Variants in NRG4 observed in about 807,000 individuals in gnomAD.
The protein encoded by NRG4 is neuregulin 4, also known as pro-neuregulin-4, membrane-bound isoform.
In NRG4, 10 loss-of-function variants were observed where a neutral mutation model predicts 15.0. The observed-to-expected ratio is 0.67, with a 90% confidence interval of 0.41 to 1.13. The LOEUF (loss-of-function observed/expected upper bound fraction) is 1.13. NRG4 is among the 50% of genes most tolerant of loss of function. NRG4 has a pLI of 0.00. For missense variants in NRG4, 139 were observed against 140.2 expected (o/e 0.99, Z 0.04); for synonymous variants, 41 against 50.1 (o/e 0.82, Z 0.77).
intron 3 of NRG4, among the ~76,000 whole-genome samples, chr15:75,982,900 C>T (rs2033659108): frequency 6.6e-6 from 1 of 152,132 alleles, no homozygotes; most frequent in African/African-American, 2.4e-5. Flanking sequence ...TTAAAACAGA[C>T]CATCTAAAAA....
Position 76,009,270 on chromosome 15 carries a change from TG to T in NRG4, c.33del (p.Ser12ValfsTer7), listed in dbSNP as rs1436927796. ...CCATTCAGGCAAAACGACTTGTGACTGGGACCACAGGGCTCTTCGTGATCTA... is the reference window on the plus strand; with the variant it reads ...CCATTCAGGCAAAACGACTTGTGACTGGACCACAGGGCTCTTCGTGATCTA... MPTDHEEPCG[P>X]SHKSFCLNGG... is the part of the protein sequence containing the mutation. On this transcript the variant is annotated frameshift_variant, in exon 3 of 6. Transcript: ENST00000394907. LOFTEE classifies it high-confidence loss of function. 1.3e-6 allele frequency: 2 copies of T among 1,596,180 alleles called. No homozygotes were observed. The highest frequency in any genetic ancestry group is 2.2e-5 in the East Asian group (1 of 44,592).
intron 1 of NRG4, chr15:76,011,919 A>G (rs963600821): frequency 6.6e-6 from 1 of 152,192 alleles, no homozygotes; most frequent in African/African-American, 2.4e-5. Context: ...CTGGCAAAGC[A>G]ATGTAGCTAA....
At chr15:75,971,765 A>C (rs909324623) in intron 3 of NRG4, among the ~76,000 whole-genome samples, 2 of 152,178 alleles carry the variant, frequency 1.3e-5, no homozygotes, top group Admixed American at 1.3e-4. Context: ...AAAACTAAGA[A>C]ACATTTAAAA....
At chr15:76,028,903 CAAAAAAAAAA>C (rs34533266) in intron 5 of NRG4, among the ~76,000 whole-genome samples, 1 of 54,288 alleles carries the variant, frequency 1.8e-5, no homozygotes, top group Admixed American at 2.1e-4. Context: ...ACTCCTCCTC[CAAAAAAAAAA>C]AAAAAAAAAA....
At chr15:75,969,184 A>G (rs1202532462) in intron 3 of NRG4, 1 of 456,214 alleles carries the variant, frequency 2.2e-6, no homozygotes, top group Non-Finnish European at 4.4e-6. Flanking sequence ...CTCATGCCCA[A>G]CTTGGAATAA....
chr15:75,996,734 T>C (rs1567099604), intron 3 of NRG4, among the ~76,000 whole-genome samples: 2 of 152,182 alleles, frequency 1.3e-5, no homozygotes, highest in Non-Finnish European at 2.9e-5. Flanking sequence ...CATTTGTTTA[T>C]AGTCTTGGTA....
intron 1 of NRG4, among the ~76,000 whole-genome samples, chr15:76,059,362 GC>G (rs1467838613): frequency 1.3e-5 from 2 of 152,138 alleles, no homozygotes; most frequent in African/African-American, 4.8e-5. Flanking sequence ...TCCAAGCGCA[GC>G]GGGCACTGCG....
chr15:75,935,852 A>G (rs1222221661), downstream of NRG4: 4 of 152,150 alleles, frequency 2.6e-5, no homozygotes, highest in Admixed American at 6.5e-5. Flanking sequence ...CAATGGCACA[A>G]TCTTGGCTCA....
chr15:76,050,635 G>A (rs1467185421), intron 4 of NRG4, among the ~76,000 whole-genome samples: 53 of 141,790 alleles, frequency 3.7e-4, no homozygotes, highest in African/African-American at 1.1e-3. Context: ...TAGTAGAGGC[G>A]GGGTTTCACC....
chr15:76,035,481 A>C (rs1022151179), intron 5 of NRG4, among the ~76,000 whole-genome samples: 3 of 152,216 alleles, frequency 2.0e-5, no homozygotes, highest in African/African-American at 7.2e-5. Context: ...GGTATTATGG[A>C]AGCCACTAAG....
At chr15:76,000,428 C>T (rs2034370851) in intron 3 of NRG4, among the ~76,000 whole-genome samples, 1 of 152,034 alleles carries the variant, frequency 6.6e-6, no homozygotes, top group Non-Finnish European at 1.5e-5. Flanking sequence ...AGTATTTAAA[C>T]AACTGAACTA....
At chr15:75,956,053 T>C (rs2032221807) in intron 4 of NRG4, 42 bp from the exon 5 acceptor site, 2 of 1,178,676 alleles carry the variant, frequency 1.7e-6, no homozygotes, top group East Asian at 4.7e-5. Flanking sequence ...GGAAGTGTAA[T>C]AGGAAAAGCA....
chr15:76,057,130 T>TA (rs1168826512), intron 1 of NRG4: 2 of 152,192 alleles, frequency 1.3e-5, no homozygotes. Context: ...TTCCTCTCAT[T>TA]AGTCACCTGC....
At chr15:75,950,582 G>A (rs535737683) in intron 5 of NRG4, 7 of 246,652 alleles carry the variant, frequency 2.8e-5, no homozygotes, top group South Asian at 1.4e-4. Flanking sequence ...GTTGTTTCCA[G>A]CATCCTCCAA....
chr15:76,020,056 G>T (rs757224649), intron 5 of NRG4, among the ~76,000 whole-genome samples: 2 of 152,114 alleles, frequency 1.3e-5, no homozygotes, highest in Non-Finnish European at 2.9e-5. Flanking sequence ...CGGTTATGGT[G>T]ATCTGTGATC....
At chr15:76,052,341 A>T (rs538611761) in intron 3 of NRG4, among the ~76,000 whole-genome samples, 1 of 151,250 alleles carries the variant, frequency 6.6e-6, no homozygotes, top group South Asian at 2.1e-4. Context: ...CACTTTGTTG[A>T]CATGTTTAAT....
At chr15:75,981,346 T>C (rs1435361117) in intron 3 of NRG4, among the ~76,000 whole-genome samples, 2 of 152,128 alleles carry the variant, frequency 1.3e-5, no homozygotes, top group African/African-American at 4.8e-5. Context: ...GAGTAACCCT[T>C]GCCAATACCA....
intron 2 of NRG4, among the ~76,000 whole-genome samples, chr15:76,056,023 T>C (rs927678432): frequency 3.9e-5 from 6 of 152,186 alleles, no homozygotes; most frequent in South Asian, 2.1e-4. Context: ...GAGAAAACTT[T>C]ACAATTAATT....
At chr15:76,032,784 C>G (rs962597132) in intron 5 of NRG4, among the ~76,000 whole-genome samples, 12 of 152,018 alleles carry the variant, frequency 7.9e-5, no homozygotes. Context: ...ACAATTGGAA[C>G]AAAAAATTTT....
Sources: gnomAD v4.1 joint callset for allele counts (sites outside exome capture counted in the v4.1 genomes callset) on GRCh38, gnomAD v4.1.1 for gene constraint, MANE v1.5 for transcripts, NCBI Gene and HGNC (gene_info 2026-07-23, HGNC 2026-07-21) for gene names.